The following NRG2 variants were observed in gnomAD, a reference collection of about 807,000 sequenced individuals.
NRG2 encodes the protein neuregulin 2.
Under a neutral mutation model 73.9 loss-of-function variants are expected in NRG2, and 27 were observed. That is an observed-to-expected ratio of 0.37 (90% confidence interval 0.27 to 0.50). The LOEUF is 0.50. Among genes scored for constraint, NRG2 ranks in the 20% least tolerant of loss-of-function variants. The pLI, the probability that NRG2 is intolerant of heterozygous loss-of-function variation, is 0.96. For synonymous variants in NRG2, 532 were observed against 541.0 expected (o/e 0.98, Z 0.23); for missense variants, 1,126 against 1,210.1 (o/e 0.93, Z 1.03).
At chr5:140,025,987 C>T (rs1057338732) in intron 1 of NRG2, among the ~76,000 whole-genome samples, 6 of 152,128 alleles carry the variant, frequency 3.9e-5, no homozygotes, top group Admixed American at 3.3e-4. Context: ...TGATTCATTC[C>T]GACTGAGGGG....
chr5:140,015,378 A>T (rs1375143464), intron 1 of NRG2, among the ~76,000 whole-genome samples: 1 of 152,200 alleles, frequency 6.6e-6, no homozygotes, highest in Non-Finnish European at 1.5e-5. Flanking sequence ...CACATGATAG[A>T]TGCCTACAAA....
intron 1 of NRG2, among the ~76,000 whole-genome samples, chr5:139,947,220 A>AC (rs1331215750): frequency 2.0e-5 from 3 of 152,130 alleles, no homozygotes; most frequent in African/African-American, 4.8e-5. Flanking sequence ...TGAGAAGTAA[A>AC]CCCATACTCT....
chr5:139,923,281 A>G (rs780863346), intron 1 of NRG2, among the ~76,000 whole-genome samples: 5 of 152,156 alleles, frequency 3.3e-5, no homozygotes, highest in Non-Finnish European at 5.9e-5. Flanking sequence ...AAGTACATCA[A>G]TTAAAAAAAG....
intron 5 of NRG2, among the ~76,000 whole-genome samples, chr5:139,861,255 T>C (rs568425707): frequency 6.6e-6 from 1 of 152,208 alleles, no homozygotes; most frequent in Non-Finnish European, 1.5e-5. Flanking sequence ...CCCAGGTGTA[T>C]AGTCAGCACC....
chr5:139,886,597 C>A (rs1763887334), intron 2 of NRG2, among the ~76,000 whole-genome samples: 1 of 152,198 alleles, frequency 6.6e-6, no homozygotes, highest in Non-Finnish European at 1.5e-5. Context: ...GCCTGTTTAG[C>A]TGGCAGGCAG....
At chr5:139,927,183 T>A (rs1752120174) in intron 1 of NRG2, among the ~76,000 whole-genome samples, 1 of 152,168 alleles carries the variant, frequency 6.6e-6, no homozygotes, top group South Asian at 2.1e-4. Context: ...AAGAAGAACC[T>A]AATACAAGGA....
rs533531955 is a variant in NRG2, at chr5:139,973,345, C to T, written c.700+69025G>A. Among the ~76,000 whole-genome samples, 5 of 152,044 alleles carry T rather than the reference C, an allele frequency of 3.3e-5. No individual in the cohort carries two copies. The South Asian group carries it at 1.0e-3, about 32-fold the overall frequency. On this transcript the variant is annotated intron_variant, in intron 1 of 9. Transcript: ENST00000361474. Reference sequence around the variant, plus strand: ...ACAGCTGTTATCACAGAAAGATGTTCCTTCCTTATATCCTCATATACTTTT... The same window carrying T: ...ACAGCTGTTATCACAGAAAGATGTTTCTTCCTTATATCCTCATATACTTTT...
intron 1 of NRG2, among the ~76,000 whole-genome samples, chr5:140,030,450 A>G (rs1050791670): frequency 1.1e-4 from 16 of 152,186 alleles, no homozygotes; most frequent in Middle Eastern, 3.2e-3. Context: ...GTAACACCAC[A>G]CAGGAGAAGC....
At chr5:139,948,345 T>C (rs1753950714) in intron 1 of NRG2, among the ~76,000 whole-genome samples, 1 of 152,190 alleles carries the variant, frequency 6.6e-6, no homozygotes. Context: ...CCAACCTTTC[T>C]AGTGGTGGGA....
chr5:139,952,885 C>T (rs1754326743), intron 1 of NRG2, among the ~76,000 whole-genome samples: 1 of 152,148 alleles, frequency 6.6e-6, no homozygotes, highest in African/African-American at 2.4e-5. Flanking sequence ...CAGCTGTGAG[C>T]CTGAGCCAGA....
At chr5:139,921,877 C>T (rs2126321817) in intron 1 of NRG2, among the ~76,000 whole-genome samples, 1 of 152,114 alleles carries the variant, frequency 6.6e-6, no homozygotes, top group African/African-American at 2.4e-5. Flanking sequence ...GCCTGGGCAA[C>T]AGAGCGAAAC....
At chr5:139,922,599 G>A (rs1301003109) in intron 1 of NRG2, among the ~76,000 whole-genome samples, 1 of 152,072 alleles carries the variant, frequency 6.6e-6, no homozygotes, top group African/African-American at 2.4e-5. Context: ...GTACTCCTTG[G>A]TATTTACCCA....
In NRG2 at chr5:139,868,738, A is replaced by T. The variant is rs1762654048; in HGVS notation, c.1112+2983T>A. Among the ~76,000 whole-genome samples, 1 of 151,954 alleles carries T rather than the reference A, an allele frequency of 6.6e-6. No homozygotes were observed. Among genetic ancestry groups the T allele is most frequent in the Admixed American group, 6.6e-5 (1 of 15,266 alleles). On this transcript the variant is annotated intron_variant, in intron 4 of 9. Coordinates refer to ENST00000361474, the MANE Select transcript of NRG2 (RefSeq NM_004883.3). The surrounding 1 kb of genome is among the most constrained non-coding windows in gnomAD (Gnocchi z 4.2). ...ACCCGGGGGAGGGGGTGGATGAAGG[A>T]TGGCGGTGTGCCCCGGGCACTGGAG...
chr5:139,896,919 C>T (rs562151390), intron 1 of NRG2, among the ~76,000 whole-genome samples: 4 of 152,210 alleles, frequency 2.6e-5, no homozygotes, highest in Non-Finnish European at 4.4e-5. Flanking sequence ...ACCTTCCTTA[C>T]CTGGCAGCCA....
intron 1 of NRG2, among the ~76,000 whole-genome samples, chr5:139,988,889 G>C (rs577537889): frequency 2.0e-5 from 3 of 152,044 alleles, no homozygotes; most frequent in Admixed American, 1.3e-4. Context: ...GAGGGCAGAG[G>C]CCATATGGGA....
intron 1 of NRG2, among the ~76,000 whole-genome samples, chr5:139,983,013 C>T (rs1756928964): frequency 6.6e-6 from 1 of 152,200 alleles, no homozygotes; most frequent in Non-Finnish European, 1.5e-5. Context: ...GGGGATTAAC[C>T]TCTCTGACAG....
chr5:139,976,647 G>A (rs1756404616), intron 1 of NRG2, among the ~76,000 whole-genome samples: 1 of 152,224 alleles, frequency 6.6e-6, no homozygotes, highest in East Asian at 1.9e-4. Flanking sequence ...AGACCCCAGG[G>A]TCATTAATAT....
Position 139,852,657 on chromosome 5 carries a change from G to C in NRG2, c.1417-98C>G, listed in dbSNP as rs1376179805. On this transcript the variant is annotated intron_variant, in intron 7 of 9. Coordinates refer to ENST00000361474, the MANE Select transcript of NRG2 (RefSeq NM_004883.3). This position sits in a 1 kb window ranked among gnomAD's most constrained non-coding sequence, Gnocchi z 4.4. ...AGTGATGAGCACTGACTGAGCTCCT[G>C]GTTGGGGAGACCCACTGTGTGAGAG... 1 of 1,528,038 alleles carries C rather than the reference G, an allele frequency of 6.5e-7. No individual in the cohort carries two copies. Among genetic ancestry groups the C allele is most frequent in the African/African-American group, 1.4e-5 (1 of 72,848 alleles). The allele number at this position is 1,528,038 out of a possible 1,614,324, so 94.7% of individuals were successfully genotyped here.
At chr5:139,879,425 G>A (rs1763385972) in intron 3 of NRG2, among the ~76,000 whole-genome samples, 1 of 152,180 alleles carries the variant, frequency 6.6e-6, no homozygotes, top group Non-Finnish European at 1.5e-5. Flanking sequence ...TGAAGCCATG[G>A]CCTCCTCTTC....
Sources: allele counts gnomAD v4.1 joint callset (sites outside exome capture counted in the v4.1 genomes callset), GRCh38; gene constraint gnomAD v4.1.1; non-coding constraint Gnocchi (gnomAD v3.1); transcripts MANE v1.5; gene names NCBI Gene and HGNC (gene_info 2026-07-23, HGNC 2026-07-21).